The following AEBP1 variants were observed in gnomAD, a reference collection of about 807,000 sequenced individuals.
AEBP1 encodes the protein AE binding protein 1.
A neutral mutation model predicts 116.5 loss-of-function variants in AEBP1; 69 were observed. That is an observed-to-expected ratio of 0.59 (90% CI 0.49 to 0.72). The LOEUF is 0.72. Among genes scored for constraint, AEBP1 ranks in the 30% least tolerant of loss-of-function variants. The pLI is 0.00. For missense variants in AEBP1, 1,444 were observed against 1,557.5 expected (o/e 0.93, Z 1.23); for synonymous variants, 627 against 627.3 (o/e 1.00, Z 0.01).
At chr7:44,106,194 C>T (rs941010934) in intron 1 of AEBP1, 1 of 495,270 alleles carries the variant, frequency 2.0e-6, no homozygotes, top group Non-Finnish European at 4.0e-6. Flanking sequence ...GCTCAGTCAC[C>T]TCTCTGCCCC....
rs1317515401 is a variant in AEBP1 at position 44,107,275 on chromosome 7, G to T, written c.596-164G>T. ...CTCTGGCCCCATGAGATGCCAGCAG[G>T]ATGCTGAAGGCCAGAGGAGCTCAGG... On this transcript the variant is annotated intron_variant, in intron 2 of 20. Coordinates refer to ENST00000223357, the MANE Select transcript of AEBP1 (RefSeq NM_001129.5). This position sits in a 1 kb window ranked among gnomAD's most constrained non-coding sequence, Gnocchi z 4.3. 6.6e-6 allele frequency among the ~76,000 whole-genome samples: 1 copy of T among 152,228 alleles called. No individual in the cohort carries two copies. Among genetic ancestry groups the T allele is most frequent in the Non-Finnish European group, 1.5e-5 (1 of 68,028 alleles).
In AEBP1 at chr7:44,107,586, C is replaced by T. The variant is rs2096224265; in HGVS notation, c.668-43C>T. The T allele has an allele frequency of 1.9e-6, 3 of 1,613,314 alleles. No homozygotes were observed. The highest frequency in any genetic ancestry group is 2.5e-6 in the Non-Finnish European group (3 of 1,179,790). ...GGACTGAGGGCTTCCCCAGAGTAGGCCTGGGTGGGGTTGTCAGGCAGCTAC... is the reference window on the plus strand; with the variant it reads ...GGACTGAGGGCTTCCCCAGAGTAGGTCTGGGTGGGGTTGTCAGGCAGCTAC... On this transcript the variant is annotated intron_variant, in intron 3 of 20. Coordinates refer to ENST00000223357, the MANE Select transcript of AEBP1 (RefSeq NM_001129.5). This position sits in a 1 kb window ranked among gnomAD's most constrained non-coding sequence, Gnocchi z 4.3.
intron 1 of AEBP1, among the ~76,000 whole-genome samples, chr7:44,105,421 C>A (rs1024549817): frequency 6.6e-6 from 1 of 152,140 alleles, no homozygotes; most frequent in African/African-American, 2.4e-5. Context: ...TACATTAGTA[C>A]AGGAAATTAG....
Position 44,107,419 on chromosome 7 carries a change from C to G in AEBP1, c.596-20C>G, listed in dbSNP as rs777092628. ...GAGCAGGCCTCCCGCCCACCTGCTT[C>G]TGGAACTCCTGTGTTGCAGGGGCGC... On this transcript the variant is annotated intron_variant, in intron 2 of 20. Transcript: ENST00000223357. The surrounding 1 kb of genome is among the most constrained non-coding windows in gnomAD (Gnocchi z 4.3). 6.2e-7 allele frequency: 1 copy of G among 1,612,960 alleles called. No individual in the cohort carries two copies. The highest frequency in any genetic ancestry group is 8.5e-7 in the Non-Finnish European group (1 of 1,179,808).
In AEBP1 at chr7:44,112,603, C is replaced by G. The variant is rs773376868; in HGVS notation, c.2263C>G (p.Pro755Ala). The change falls in exon 18 of 21, where the codon CCC (proline) becomes GCC (alanine). Residue 755 changes from proline (P) to alanine (A), a missense_variant. Coordinates refer to ENST00000223357, the MANE Select transcript of AEBP1 (RefSeq NM_001129.5). This position sits in a 1 kb window ranked among gnomAD's most constrained non-coding sequence, Gnocchi z 6.6. ...RAIIAWMEKN[P>A]FVLGANLNGG... ...CATCATTGCCTGGATGGAGAAGAACCCCTTCGTGCTGGGAGCAAATCTGAA... is the reference window on the plus strand; with the variant it reads ...CATCATTGCCTGGATGGAGAAGAACGCCTTCGTGCTGGGAGCAAATCTGAA... The G allele has an allele frequency of 3.7e-5, 59 of 1,606,338 alleles. No individual in the cohort carries two copies. Among genetic ancestry groups the G allele is most frequent in the Admixed American group, 5.0e-5 (3 of 59,700 alleles).
chr7:44,112,478 C>A lies in AEBP1; in HGVS notation c.2218-80C>A. The A allele has an allele frequency of 7.0e-7, 1 of 1,422,604 alleles. No individual in the cohort carries two copies. Among genetic ancestry groups the A allele is most frequent in the Non-Finnish European group, 9.5e-7 (1 of 1,053,422 alleles). 88.1% of individuals were successfully genotyped at this position (1,422,604 alleles called of 1,614,324 possible). A position where few individuals can be genotyped will look rare whatever the true frequency, so the allele number is the denominator to read the frequency against. On this transcript the variant is annotated intron_variant, in intron 17 of 20. Transcript: ENST00000223357. The surrounding 1 kb of genome is among the most constrained non-coding windows in gnomAD (Gnocchi z 6.6). Reference sequence around the variant, plus strand: ...GGATCGTGCGAGTACTGGTGTGAAGCTTCATGGAGGGTGATCGGGCTAGGT... The same window carrying A: ...GGATCGTGCGAGTACTGGTGTGAAGATTCATGGAGGGTGATCGGGCTAGGT...
chr7:44,106,093 C>T (rs893501468), intron 1 of AEBP1: 3 of 439,108 alleles, frequency 6.8e-6, no homozygotes, highest in South Asian at 1.6e-5. Flanking sequence ...TTTCTTGCCC[C>T]GTAGGAGACC....
Position 44,110,822 on chromosome 7 carries a change from C to A in AEBP1, c.1485+13C>A. The A allele has an allele frequency of 6.3e-7, 1 of 1,586,182 alleles. No individual in the cohort carries two copies. Among genetic ancestry groups the A allele is most frequent in the Non-Finnish European group, 8.6e-7 (1 of 1,163,832 alleles). On this transcript the variant is annotated intron_variant, in intron 12 of 20. Coordinates refer to ENST00000223357, the MANE Select transcript of AEBP1 (RefSeq NM_001129.5). Reference sequence around the variant, plus strand: ...CTATGAGGAAATGGTGGGCACCATGCCCAGGCTCTTGGCTCTGCTCCCATT... The same window carrying A: ...CTATGAGGAAATGGTGGGCACCATGACCAGGCTCTTGGCTCTGCTCCCATT...
intron 9 of AEBP1, 187 bp downstream of exon 9, chr7:44,109,528 C>A (rs1178230031): frequency 2.9e-6 from 2 of 685,226 alleles, no homozygotes; most frequent in East Asian, 2.8e-5. Context: ...CAGCCCTGGA[C>A]CCCAGGCTGG....
chr7:44,108,147 G>A lies in AEBP1; in HGVS notation c.940+63G>A. Reference sequence around the variant, plus strand: ...CAGGTGGGGGTCGGGGCTGGGGTGTGGTCAGGAGCCAGCTGGGGCAACTCA... The same window carrying A: ...CAGGTGGGGGTCGGGGCTGGGGTGTAGTCAGGAGCCAGCTGGGGCAACTCA... On this transcript the variant is annotated intron_variant, in intron 6 of 20. Transcript: ENST00000223357. This position sits in a 1 kb window ranked among gnomAD's most constrained non-coding sequence, Gnocchi z 5.0. 2.7e-6 allele frequency: 4 copies of A among 1,498,762 alleles called. No homozygotes were observed. The highest frequency in any genetic ancestry group is 3.6e-6 in the Non-Finnish European group (4 of 1,103,880). 92.8% of individuals were successfully genotyped at this position (1,498,762 alleles called of 1,614,324 possible).
In AEBP1 at chr7:44,114,463, T is replaced by C. The variant is rs937312221; in HGVS notation, c.*202T>C. The stretch of plus-strand genomic sequence containing the variant: ...CCAGAGGCTGTGTAGAGGCTCCTGC[T>C]CCACCTGCCAGTCTCGTAAGAGATG... On this transcript the variant is annotated 3_prime_UTR_variant, in exon 21 of 21. Transcript: ENST00000223357. 1.5e-6 allele frequency: 1 copy of C among 655,106 alleles called. No individual in the cohort carries two copies. The highest frequency in any genetic ancestry group is 2.6e-6 in the Non-Finnish European group (1 of 388,266). 40.6% of individuals were successfully genotyped at this position (655,106 alleles called of 1,614,324 possible).
In AEBP1 at chr7:44,112,483, T is replaced by C. The variant is rs548756721; in HGVS notation, c.2218-75T>C. 42 of 1,421,434 alleles carry C rather than the reference T, an allele frequency of 3.0e-5. No individual in the cohort carries two copies. The South Asian group carries it at 5.6e-4, about 19-fold the overall frequency. 88.1% of individuals were successfully genotyped at this position (1,421,434 alleles called of 1,614,324 possible). A position where few individuals can be genotyped will look rare whatever the true frequency, so the allele number is the denominator to read the frequency against. On this transcript the variant is annotated intron_variant, in intron 17 of 20. Transcript: ENST00000223357. This position sits in a 1 kb window ranked among gnomAD's most constrained non-coding sequence, Gnocchi z 6.6. ...GTGCGAGTACTGGTGTGAAGCTTCA[T>C]GGAGGGTGATCGGGCTAGGTTGGGG...
In AEBP1 at chr7:44,113,729, T is replaced by C. The variant is rs1241681062; in HGVS notation, c.2945T>C (p.Leu982Pro). 6.2e-7 allele frequency: 1 copy of C among 1,614,102 alleles called. No individual in the cohort carries two copies. The highest frequency in any genetic ancestry group is 1.7e-5 in the Admixed American group (1 of 60,022). Residue 982 changes from leucine (L) to proline (P), a missense_variant, in exon 21 of 21, where the codon CTG becomes CCG. Coordinates refer to ENST00000223357, the MANE Select transcript of AEBP1 (RefSeq NM_001129.5). The surrounding 1 kb of genome is among the most constrained non-coding windows in gnomAD (Gnocchi z 5.3). ...DIGATQCNFI[L>P]ARSNWKRIRE... Reference sequence around the variant, plus strand: ...GGGGCCACTCAGTGCAACTTCATCCTGGCTCGCTCCAACTGGAAGCGCATC... The same window carrying C: ...GGGGCCACTCAGTGCAACTTCATCCCGGCTCGCTCCAACTGGAAGCGCATC...
In AEBP1 at chr7:44,107,961, A is replaced by G. The variant is rs746958714; in HGVS notation, c.862+30A>G. On this transcript the variant is annotated intron_variant, in intron 5 of 20. Transcript: ENST00000223357. The surrounding 1 kb of genome is among the most constrained non-coding windows in gnomAD (Gnocchi z 4.3). ...GATGGGGGGCAGGAGAGGAGGTGCC[A>G]TGGCCACGGCGCTCTGGCCCCCTCC... is the stretch of plus-strand genomic sequence containing the variant. 7.0e-7 allele frequency: 1 copy of G among 1,423,632 alleles called. No homozygotes were observed. The highest frequency in any genetic ancestry group is 9.1e-7 in the Non-Finnish European group (1 of 1,093,518). The allele number at this position is 1,423,632 out of a possible 1,614,324, so 88.2% of individuals were successfully genotyped here. A position where few individuals can be genotyped will look rare whatever the true frequency, so the allele number is the denominator to read the frequency against.
chr7:44,114,421 T>C lies in AEBP1; in HGVS notation c.*160T>C. 3 of 797,512 alleles carry C rather than the reference T, an allele frequency of 3.8e-6. No homozygotes were observed. Among genetic ancestry groups the C allele is most frequent in the Non-Finnish European group, 5.9e-6 (3 of 511,400 alleles). The allele number at this position is 797,512 out of a possible 1,614,324, so 49.4% of individuals were successfully genotyped here. A position where few individuals can be genotyped will look rare whatever the true frequency, so the allele number is the denominator to read the frequency against. On this transcript the variant is annotated 3_prime_UTR_variant, in exon 21 of 21. Coordinates refer to ENST00000223357, the MANE Select transcript of AEBP1 (RefSeq NM_001129.5). Reference sequence around the variant, plus strand: ...CTGCCCCTTTGAGGGGGTGCAAACATGACTGGGACCTAAGAGCCAGAGGCT... The same window carrying C: ...CTGCCCCTTTGAGGGGGTGCAAACACGACTGGGACCTAAGAGCCAGAGGCT...
chr7:44,110,696 C>A, intron 11 of AEBP1, 29 bp from the exon 12 acceptor site: 4 of 1,511,280 alleles, frequency 2.6e-6, no homozygotes, highest in Non-Finnish European at 3.5e-6. Context: ...GGGGGAAGAC[C>A]CTTGCTCTGA....
chr7:44,108,589 C>A lies in AEBP1; in HGVS notation c.941-310C>A, dbSNP rs182292036. Among the ~76,000 whole-genome samples, 5 of 152,296 alleles carry A rather than the reference C, an allele frequency of 3.3e-5. No individual in the cohort carries two copies. In the East Asian group the frequency reaches 5.8e-4, roughly 18 times the overall value. The stretch of plus-strand genomic sequence containing the variant: ...TCCAATGTCTCCCCATCTCACCCCC[C>A]AGCCCGCAACCCCAGGCACAGGTGC... On this transcript the variant is annotated intron_variant, in intron 6 of 20. Transcript: ENST00000223357. The surrounding 1 kb of genome is among the most constrained non-coding windows in gnomAD (Gnocchi z 5.0).
At chr7:44,110,390 A>G (rs1286451237) in intron 11 of AEBP1, 44 bp downstream of exon 11, 1 of 1,612,464 alleles carries the variant, frequency 6.2e-7, no homozygotes, top group African/African-American at 1.3e-5. Flanking sequence ...GGGAGTGGCT[A>G]CATAGGCATG....
chr7:44,109,438 C>G (rs746076001), intron 9 of AEBP1, 97 bp downstream of exon 9: 36 of 1,329,112 alleles, frequency 2.7e-5, no homozygotes, highest in Non-Finnish European at 3.6e-5. Flanking sequence ...CCCAGGTCCC[C>G]GGAACCCTTT....
Sources: gnomAD v4.1 joint callset for allele counts (sites outside exome capture counted in the v4.1 genomes callset) on GRCh38, gnomAD v4.1.1 for gene constraint, Gnocchi (gnomAD v3.1) non-coding constraint, MANE v1.5 for transcripts, NCBI Gene and HGNC (gene_info 2026-07-23, HGNC 2026-07-21) for gene names.